The following SMOC2 variants were observed in gnomAD, a reference collection of about 807,000 sequenced individuals.
The protein encoded by SMOC2 is SPARC related modular calcium binding 2, also known as SPARC-related modular calcium-binding protein 2.
In SMOC2, 39 loss-of-function variants were observed where a neutral mutation model predicts 61.4. That is an observed-to-expected ratio of 0.64 (90% CI 0.49 to 0.83). The LOEUF (loss-of-function observed/expected upper bound fraction) is 0.83, where lower values mean the gene tolerates loss of function less well. SMOC2 is among the 40% of genes least tolerant of loss of function. SMOC2 has a pLI of 0.00. For missense variants in SMOC2, 556 were observed against 592.9 expected (o/e 0.94, Z 0.65); for synonymous variants, 247 against 239.9 (o/e 1.03, Z -0.27).
chr6:168,589,055 T>C (rs919716210), intron 7 of SMOC2, among the ~76,000 whole-genome samples: 2 of 124,864 alleles, frequency 1.6e-5, no homozygotes, highest in East Asian at 2.3e-4. Context: ...CCAGCCTGCA[T>C]GACAGAGGGA....
At chr6:168,605,856 G>A (rs1004063447) in intron 8 of SMOC2, among the ~76,000 whole-genome samples, 8 of 151,964 alleles carry the variant, frequency 5.3e-5, no homozygotes, top group African/African-American at 1.4e-4. Flanking sequence ...TCTGATACTC[G>A]GAGAAGCAAG....
At chr6:168,495,661 G>A (rs1015365235) in intron 1 of SMOC2, among the ~76,000 whole-genome samples, 6 of 152,056 alleles carry the variant, frequency 3.9e-5, no homozygotes, top group African/African-American at 1.2e-4. Context: ...TCAGGCCTGC[G>A]TCTGCCACTC....
At chr6:168,468,923 A>G (rs576973175) in intron 1 of SMOC2, among the ~76,000 whole-genome samples, 3 of 152,370 alleles carry the variant, frequency 2.0e-5, no homozygotes, top group Admixed American at 6.5e-5. Flanking sequence ...AGTTTTATCC[A>G]TAATTCTGTT....
chr6:168,653,361 G>T (rs1787247666), intron 11 of SMOC2, 133 bp downstream of exon 11: 2 of 1,065,284 alleles, frequency 1.9e-6, no homozygotes, highest in Non-Finnish European at 2.7e-6. Flanking sequence ...CTGTTTAATT[G>T]TTGGGCGTCT....
At chr6:168,599,490 CCACACACCCACT>C (rs1785454857) in intron 8 of SMOC2, among the ~76,000 whole-genome samples, 2 of 120,214 alleles carry the variant, frequency 1.7e-5, no homozygotes, top group Non-Finnish European at 3.4e-5. Flanking sequence ...CAATCATACC[CCACACACCCACT>C]GACACTCACA....
chr6:168,616,998 GAA>G (rs1362037862), intron 9 of SMOC2, among the ~76,000 whole-genome samples: 1 of 152,240 alleles, frequency 6.6e-6, no homozygotes, highest in East Asian at 1.9e-4. Flanking sequence ...TCCTGGGAAA[GAA>G]AGTGGACAGG....
At chr6:168,565,500 C>T (rs976404259) in intron 7 of SMOC2, among the ~76,000 whole-genome samples, 1 of 152,186 alleles carries the variant, frequency 6.6e-6, no homozygotes, top group East Asian at 1.9e-4. Flanking sequence ...TGGATCAGGG[C>T]CCCACTCTTA....
At position 168,441,199 on chromosome 6, in the gene SMOC2, T is replaced by C. The variant is rs1023418934; in HGVS notation, c.-172T>C. ...GGACGCAAAGAACGCGGAGGACCTCTGGGTGCCTGCAGGGGAGCTGCTCCA... is the reference window on the plus strand; with the variant it reads ...GGACGCAAAGAACGCGGAGGACCTCCGGGTGCCTGCAGGGGAGCTGCTCCA... On this transcript the variant is annotated 5_prime_UTR_variant, in exon 1 of 13. Coordinates refer to ENST00000356284, the MANE Select transcript of SMOC2 (RefSeq NM_001166412.2). 14 of 981,360 alleles carry C rather than the reference T, an allele frequency of 1.4e-5. No individual in the cohort carries two copies. Among genetic ancestry groups the C allele is most frequent in the Non-Finnish European group, 1.9e-5 (14 of 734,046 alleles). 60.8% of individuals were successfully genotyped at this position (981,360 alleles called of 1,614,324 possible).
intron 7 of SMOC2, 27 bp from the exon 8 acceptor site, chr6:168,598,791 C>T: frequency 1.2e-6 from 2 of 1,612,240 alleles, no homozygotes; most frequent in South Asian, 2.2e-5. Context: ...GGATCCTGCT[C>T]ACCTTTTGCC....
chr6:168,456,280 G>T (rs986191429), intron 1 of SMOC2, among the ~76,000 whole-genome samples: 3 of 152,262 alleles, frequency 2.0e-5, no homozygotes, highest in African/African-American at 7.2e-5. Flanking sequence ...CTGTGCAGGG[G>T]CAAGAGCAAG....
intron 9 of SMOC2, among the ~76,000 whole-genome samples, chr6:168,612,010 G>A (rs1315879009): frequency 3.3e-5 from 5 of 152,346 alleles, no homozygotes; most frequent in South Asian, 2.1e-4. Context: ...CCCGGCATCC[G>A]CGAGGTGGAA....
chr6:168,571,229 T>C (rs938042856), intron 7 of SMOC2, among the ~76,000 whole-genome samples: 1 of 152,218 alleles, frequency 6.6e-6, no homozygotes, highest in African/African-American at 2.4e-5. Flanking sequence ...GTAGGAGATA[T>C]TAACAAGCAA....
At chr6:168,654,324 C>A (rs1222547819) in intron 11 of SMOC2, among the ~76,000 whole-genome samples, 5 of 52,880 alleles carry the variant, frequency 9.5e-5, no homozygotes, top group African/African-American at 2.3e-4. Flanking sequence ...GAGCTCCAAC[C>A]AAATGTTAGG....
intron 1 of SMOC2, among the ~76,000 whole-genome samples, chr6:168,454,351 T>C (rs538054867): frequency 6.6e-6 from 1 of 152,174 alleles, no homozygotes; most frequent in African/African-American, 2.4e-5. Flanking sequence ...AGCCGAAATC[T>C]AACTGGGCTT....
In SMOC2 at chr6:168,549,221, G is replaced by A. The variant is rs769383191; in HGVS notation, c.637+18G>A. The A allele has an allele frequency of 6.2e-7, 1 of 1,608,856 alleles. No homozygotes were observed. Among genetic ancestry groups the A allele is most frequent in the Non-Finnish European group, 8.5e-7 (1 of 1,175,212 alleles). ...GAATTCAGGTAAGATGCTGCCTGAT[G>A]TCACTTTGTAAGGAGTGATTTAATA... is the stretch of plus-strand genomic sequence containing the variant. On this transcript the variant is annotated intron_variant, in intron 7 of 12. Transcript: ENST00000356284.
chr6:168,573,827 G>A lies in SMOC2; in HGVS notation c.637+24624G>A, dbSNP rs754835067. ...AGGTTTCATTGTCCATCCCACTAAC[G>A]ATCCAGTGGAGGCTTTTTGTTTTTG... On this transcript the variant is annotated intron_variant, in intron 7 of 12. Transcript: ENST00000356284. Among the ~76,000 whole-genome samples the A allele has an allele frequency of 6.6e-5, 10 of 152,250 alleles. No homozygotes were observed. In the South Asian group the frequency reaches 1.0e-3, roughly 16 times the overall value.
chr6:168,489,346 G>A (rs909566642), intron 1 of SMOC2, among the ~76,000 whole-genome samples: 9 of 141,704 alleles, frequency 6.4e-5, no homozygotes, highest in Admixed American at 7.0e-5. Context: ...CTGTTTTAGA[G>A]TGAAATATAT....
rs1475343176 is a variant in SMOC2, at chr6:168,636,807, C to T, written c.908-13874C>T. ...CTGGTGTTGCAGCTGCCCCTGAGGG[C>T]ACACATGCCTGGCCCTGGCCATCAG... On this transcript the variant is annotated intron_variant, in intron 9 of 12. Coordinates refer to ENST00000356284, the MANE Select transcript of SMOC2 (RefSeq NM_001166412.2). Among the ~76,000 whole-genome samples, 5 of 152,022 alleles carry T rather than the reference C, an allele frequency of 3.3e-5. No individual in the cohort carries two copies. In the East Asian group the frequency reaches 7.8e-4, roughly 24 times the overall value.
chr6:168,443,235 C>T (rs955711879), intron 1 of SMOC2, among the ~76,000 whole-genome samples: 1 of 152,078 alleles, frequency 6.6e-6, no homozygotes, highest in Non-Finnish European at 1.5e-5. Context: ...CCTGTTGGTC[C>T]CCCCTGGAAG....
Sources: allele counts gnomAD v4.1 joint callset (sites outside exome capture counted in the v4.1 genomes callset), GRCh38; gene constraint gnomAD v4.1.1; transcripts MANE v1.5; gene names NCBI Gene and HGNC (gene_info 2026-07-23, HGNC 2026-07-21).